The following DLGAP2 variants were observed in gnomAD, a reference collection of about 807,000 sequenced individuals.
DLGAP2 encodes DLG associated protein 2.
DLGAP2 carries 26 observed loss-of-function variants against 100.3 expected under a neutral mutation model. That is an observed-to-expected ratio of 0.26 (90% confidence interval 0.19 to 0.36). DLGAP2 has a LOEUF of 0.36. Among genes scored for constraint, DLGAP2 ranks in the 10% least tolerant of loss-of-function variants. The probability of loss-of-function intolerance (pLI) is 1.00; values close to 1 mark genes in which losing one functional copy is unlikely to be tolerated. For synonymous variants in DLGAP2, 886 were observed against 630.1 expected, an observed-to-expected ratio of 1.41 and a Z score of -6.08; for missense variants, 1,858 against 1,453.2, an observed-to-expected ratio of 1.28 and a Z score of -4.53.
chr8:1,329,187 G>C (rs1310500181), intron 3 of DLGAP2, among the ~76,000 whole-genome samples: 4 of 152,232 alleles, frequency 2.6e-5, no homozygotes, highest in Non-Finnish European at 4.4e-5. Flanking sequence ...GAGATGTGAA[G>C]AAACCTTTAT....
At chr8:1,531,242 G>A (rs1341303577) in intron 4 of DLGAP2, among the ~76,000 whole-genome samples, 1 of 96,912 alleles carries the variant, frequency 1.0e-5, no homozygotes, top group Non-Finnish European at 1.9e-5. Flanking sequence ...GAGCGTGTGC[G>A]TGTGTGTGTG....
chr8:778,524 A>C lies in DLGAP2; in HGVS notation c.18+40699A>C, dbSNP rs191146609. Among the ~76,000 whole-genome samples the C allele has an allele frequency of 5.6e-3, 856 of 152,254 alleles. 7 individuals are homozygous for C. The highest frequency in any genetic ancestry group is 0.02 in the African/African-American group (817 of 41,542). ...GATGGTGATATACAGATGGGTTTTC[A>C]GTGTGGATGTCCTTTCTGTTTGTTA... On this transcript the variant is annotated intron_variant, in intron 1 of 14. Coordinates refer to ENST00000637795, the MANE Select transcript of DLGAP2 (RefSeq NM_001346810.2).
At chr8:1,275,460 C>A (rs1018732008) in intron 3 of DLGAP2, among the ~76,000 whole-genome samples, 6 of 151,786 alleles carry the variant, frequency 4.0e-5, no homozygotes, top group Admixed American at 2.6e-4. Context: ...GTCCTGGGGC[C>A]ATCCGGAGAT....
intron 2 of DLGAP2, among the ~76,000 whole-genome samples, chr8:1,198,098 G>A (rs1013660606): frequency 6.6e-6 from 1 of 151,980 alleles, no homozygotes; most frequent in Non-Finnish European, 1.5e-5. Flanking sequence ...GGTTCTGTGT[G>A]TGTGTGTGTA....
chr8:1,348,733 T>C (rs34461194), intron 3 of DLGAP2, among the ~76,000 whole-genome samples: 33,487 of 152,228 alleles, frequency 0.22, 4,420 homozygotes, highest in Admixed American at 0.31. Context: ...TGAGTGCCCA[T>C]GCTCTGCTGT....
At chr8:1,340,393 A>G (rs559761593) in intron 3 of DLGAP2, among the ~76,000 whole-genome samples, 4 of 152,352 alleles carry the variant, frequency 2.6e-5, no homozygotes, top group Non-Finnish European at 5.9e-5. Flanking sequence ...TTTGTAAGAA[A>G]AAAACCATTA....
chr8:863,558 T>C (rs563579583), intron 1 of DLGAP2, among the ~76,000 whole-genome samples: 66 of 152,332 alleles, frequency 4.3e-4, no homozygotes, highest in African/African-American at 1.5e-3. Flanking sequence ...TTTTCTCCCA[T>C]CTGTGGGTTT....
chr8:1,529,343 A>G (rs1800905643), intron 4 of DLGAP2, among the ~76,000 whole-genome samples: 1 of 152,170 alleles, frequency 6.6e-6, no homozygotes, highest in Non-Finnish European at 1.5e-5. Context: ...CATGGGGATT[A>G]TAGGGATTGT....
intron 3 of DLGAP2, among the ~76,000 whole-genome samples, chr8:1,481,300 C>G (rs907183954): frequency 6.6e-6 from 1 of 152,012 alleles, no homozygotes; most frequent in African/African-American, 2.4e-5. Context: ...TTAAAACAAA[C>G]AAAATAGTGT....
At chr8:1,575,856 C>G (rs1028438700) in intron 6 of DLGAP2, among the ~76,000 whole-genome samples, 2 of 151,928 alleles carry the variant, frequency 1.3e-5, no homozygotes, top group African/African-American at 4.8e-5. Context: ...TTTTCTTAAT[C>G]CAGTCTATCA....
At chr8:833,350 G>A (rs1796815557) in intron 1 of DLGAP2, among the ~76,000 whole-genome samples, 1 of 152,176 alleles carries the variant, frequency 6.6e-6, no homozygotes, top group African/African-American at 2.4e-5. Flanking sequence ...CTGGAGGTCG[G>A]AAGTCCAACA....
At chr8:1,374,087 T>G (rs1425993788) in intron 3 of DLGAP2, among the ~76,000 whole-genome samples, 1 of 149,242 alleles carries the variant, frequency 6.7e-6, no homozygotes, top group African/African-American at 2.5e-5. Flanking sequence ...TGGTGGAGGT[T>G]AGGTTAGGTT....
At chr8:1,688,789 T>C (rs1023410971) in intron 12 of DLGAP2, among the ~76,000 whole-genome samples, 2 of 152,216 alleles carry the variant, frequency 1.3e-5, no homozygotes, top group African/African-American at 4.8e-5. Flanking sequence ...CAGACCTTCA[T>C]GTTCTAAAAA....
chr8:1,373,067 C>G (rs1181912321), intron 3 of DLGAP2, among the ~76,000 whole-genome samples: 1 of 152,172 alleles, frequency 6.6e-6, no homozygotes, highest in African/African-American at 2.4e-5. Flanking sequence ...TTCTGGAGTG[C>G]GGAGGCTTCG....
intron 6 of DLGAP2, among the ~76,000 whole-genome samples, chr8:1,625,446 G>C (rs541757660): frequency 1.3e-5 from 2 of 152,326 alleles, no homozygotes; most frequent in South Asian, 2.1e-4. Flanking sequence ...AGGAAGACCA[G>C]AGAACATTGA....
intron 1 of DLGAP2, among the ~76,000 whole-genome samples, chr8:852,932 G>C (rs149014970): frequency 2.9e-3 from 444 of 152,358 alleles, no homozygotes; most frequent in African/African-American, 0.01. Flanking sequence ...AAAACTGGCT[G>C]TTCTTATGTG....
chr8:1,125,389 T>C (rs976436165), intron 2 of DLGAP2, among the ~76,000 whole-genome samples: 1 of 152,242 alleles, frequency 6.6e-6, no homozygotes, highest in Non-Finnish European at 1.5e-5. Context: ...AATGAGTTTC[T>C]TTCATTATGT....
At chr8:1,662,012 G>A (rs990014080) in intron 8 of DLGAP2, among the ~76,000 whole-genome samples, 2 of 152,192 alleles carry the variant, frequency 1.3e-5, no homozygotes, top group Non-Finnish European at 2.9e-5. Flanking sequence ...TGTGTGCTGT[G>A]CCACAGCAAG....
At chr8:805,955 G>A (rs1005127742) in intron 1 of DLGAP2, among the ~76,000 whole-genome samples, 1 of 152,230 alleles carries the variant, frequency 6.6e-6, no homozygotes, top group Non-Finnish European at 1.5e-5. Context: ...TTTCAACTTG[G>A]TCTGTGAGTT....
Sources: allele counts gnomAD v4.1 joint callset (sites outside exome capture counted in the v4.1 genomes callset), GRCh38; gene constraint gnomAD v4.1.1; transcripts MANE v1.5; gene names NCBI Gene and HGNC (gene_info 2026-07-23, HGNC 2026-07-21).